MGRN1: variants seen among roughly 807,000 people sequenced by gnomAD.
MGRN1 encodes the protein mahogunin ring finger 1, also known as E3 ubiquitin-protein ligase MGRN1.
In MGRN1, 29 loss-of-function variants were observed where a neutral mutation model predicts 69.2. The observed-to-expected ratio is 0.42, with a 90% CI of 0.31 to 0.57. MGRN1 has a LOEUF of 0.57. Ranked by LOEUF, MGRN1 falls within the 20% of genes least tolerant of loss-of-function variation. The pLI, the probability that MGRN1 is intolerant of heterozygous loss-of-function variation, is 0.15. For missense variants in MGRN1, 998 were observed against 796.2 expected (o/e 1.25, Z -3.05); for synonymous variants, 470 against 344.2 (o/e 1.37, Z -4.04).
chr16:4,633,906 A>G (rs1444802563), intron 1 of MGRN1: 1 of 151,992 alleles, frequency 6.6e-6, no homozygotes, highest in Non-Finnish European at 1.5e-5. Context: ...ATTAGTAGAG[A>G]CGGGGTTTCA....
At chr16:4,626,037 G>A (rs1567160406) in intron 1 of MGRN1, among the ~76,000 whole-genome samples, 1 of 152,224 alleles carries the variant, frequency 6.6e-6, no homozygotes, top group Non-Finnish European at 1.5e-5. Flanking sequence ...GCCAGGGCCT[G>A]CCTGGGACCC....
chr16:4,662,284 T>A (rs978485013), intron 5 of MGRN1, among the ~76,000 whole-genome samples: 51 of 152,088 alleles, frequency 3.4e-4, no homozygotes, highest in African/African-American at 1.2e-3. Flanking sequence ...GGAGGCTGAG[T>A]TAGTCGGATC....
chr16:4,664,552 C>G (rs142188372), intron 5 of MGRN1, 157 bp from the exon 6 acceptor site: 4 of 704,650 alleles, frequency 5.7e-6, no homozygotes, highest in Non-Finnish European at 9.9e-6. Context: ...GGTGCCAAGC[C>G]TGGCATCCGC....
intron 1 of MGRN1, among the ~76,000 whole-genome samples, chr16:4,632,364 C>A (rs1415287146): frequency 2.0e-5 from 3 of 151,838 alleles, no homozygotes; most frequent in African/African-American, 7.3e-5. Flanking sequence ...ACGAGTCACA[C>A]TGAGAACATC....
chr16:4,657,035 C>T (rs945234423), intron 4 of MGRN1, among the ~76,000 whole-genome samples: 3 of 152,194 alleles, frequency 2.0e-5, no homozygotes, highest in Non-Finnish European at 4.4e-5. Flanking sequence ...CAGGCCTGAC[C>T]TGGGGAGAGC....
chr16:4,684,043 C>T, intron 16 of MGRN1, 111 bp downstream of exon 16: 1 of 954,768 alleles, frequency 1.0e-6, no homozygotes, highest in Non-Finnish European at 1.6e-6. Context: ...CCATTGGAGC[C>T]TGGTTCTCTC....
chr16:4,626,008 G>C (rs79279189), intron 1 of MGRN1, among the ~76,000 whole-genome samples: 131 of 152,340 alleles, frequency 8.6e-4, no homozygotes, highest in African/African-American at 3.0e-3. Flanking sequence ...TCCACAAGTG[G>C]GGGAGGACTG....
intron 16 of MGRN1, among the ~76,000 whole-genome samples, chr16:4,685,958 C>G (rs1051416503): frequency 6.6e-6 from 1 of 152,196 alleles, no homozygotes; most frequent in Non-Finnish European, 1.5e-5. Flanking sequence ...CACCCAGGGC[C>G]TTCACTCCTG....
intron 1 of MGRN1, chr16:4,634,199 G>C (rs1171264014): frequency 6.6e-6 from 1 of 152,302 alleles, no homozygotes; most frequent in African/African-American, 2.4e-5. Context: ...TGAGCCCTGG[G>C]GGTCACCTCT....
intron 5 of MGRN1, among the ~76,000 whole-genome samples, chr16:4,657,738 CTTTTTTTTTTTT>C (rs1157518931): frequency 1.3e-5 from 1 of 76,998 alleles, no homozygotes; most frequent in Admixed American, 1.5e-4. Context: ...TGCAGACATC[CTTTTTTTTTTTT>C]TTTTTTTTTT....
rs2450397 is a variant in MGRN1, at chr16:4,672,634, T to G, written c.796-864T>G. 2.6e-3 allele frequency: 930 copies of G among 358,140 alleles called. 2 individuals are homozygous for G. The highest frequency in any genetic ancestry group is 4.3e-3 in the Non-Finnish European group (784 of 180,816). The allele number at this position is 358,140 out of a possible 1,614,324, so 22.2% of individuals were successfully genotyped here. ...TGTTGCACTGACTCCACGCTGCCAT[T>G]ACAACAGGAGCAGCGGGGACTGTAT... On this transcript the variant is annotated intron_variant, in intron 9 of 16. Transcript: ENST00000262370.
intron 1 of MGRN1, among the ~76,000 whole-genome samples, chr16:4,643,720 C>T (rs1301765259): frequency 6.6e-6 from 1 of 152,052 alleles, no homozygotes. Flanking sequence ...AATATGCGCA[C>T]CAATTGAAAT....
chr16:4,653,293 T>A (rs2078449103), intron 4 of MGRN1, among the ~76,000 whole-genome samples: 1 of 152,000 alleles, frequency 6.6e-6, no homozygotes, highest in Admixed American at 6.5e-5. Flanking sequence ...CAGGGTGAGG[T>A]GTGGGGGAAG....
At chr16:4,634,788 AC>A (rs1468109053) in intron 1 of MGRN1, 3 of 152,218 alleles carry the variant, frequency 2.0e-5, no homozygotes, top group African/African-American at 7.2e-5. Context: ...GTTAGAAGAA[AC>A]ACCGTTTGCT....
chr16:4,650,729 A>C, intron 2 of MGRN1: 1 of 381,426 alleles, frequency 2.6e-6, no homozygotes. Context: ...GCCATACTGA[A>C]TGGGTGCGTC....
chr16:4,671,525 G>T, intron 9 of MGRN1, 66 bp downstream of exon 9: 1 of 1,471,940 alleles, frequency 6.8e-7, no homozygotes, highest in Non-Finnish European at 9.5e-7. Context: ...GCCGCGGACA[G>T]CAATGCTTGC....
intron 5 of MGRN1, 195 bp from the exon 6 acceptor site, chr16:4,664,514 G>A: frequency 3.3e-6 from 2 of 607,648 alleles, no homozygotes; most frequent in Non-Finnish European, 5.9e-6. Context: ...ATTTTGTGTT[G>A]TATCTGTTTT....
rs767582812 is a variant in MGRN1, at chr16:4,657,236, C to G, written c.444-10C>G. On this transcript the variant is annotated splice_polypyrimidine_tract_variant and intron_variant, in intron 4 of 16. Transcript: ENST00000262370. The stretch of plus-strand genomic sequence containing the variant: ...CCGCAGCCTCACTGCTTGCTCCTGG[C>G]TCCCTGCAGATACAGCCCCAAGAGC... 1 of 1,612,348 alleles carries G rather than the reference C, an allele frequency of 6.2e-7. No individual in the cohort carries two copies. The highest frequency in any genetic ancestry group is 1.1e-5 in the South Asian group (1 of 91,046).
At chr16:4,668,507 A>T (rs2078857984) in intron 8 of MGRN1, among the ~76,000 whole-genome samples, 195 bp downstream of exon 8, 8 of 152,000 alleles carry the variant, frequency 5.3e-5, no homozygotes, top group Admixed American at 5.2e-4. Context: ...ACATTCACAC[A>T]TATATAGACA....
Sources: gnomAD v4.1 joint callset for allele counts (sites outside exome capture counted in the v4.1 genomes callset) on GRCh38, gnomAD v4.1.1 for gene constraint, MANE v1.5 for transcripts, NCBI Gene and HGNC (gene_info 2026-07-23, HGNC 2026-07-21) for gene names.